CNTN5: variants seen among roughly 807,000 people sequenced by gnomAD.
CNTN5 encodes contactin-5.
CNTN5 carries 77 observed loss-of-function variants against 129.1 expected under a neutral mutation model. That is an observed-to-expected ratio of 0.60 (90% confidence interval 0.50 to 0.72). The LOEUF is 0.72. Among genes scored for constraint, CNTN5 ranks in the 30% least tolerant of loss-of-function variants. The pLI, the probability that CNTN5 is intolerant of heterozygous loss-of-function variation, is 0.00. For synonymous variants in CNTN5, 509 were observed against 465.6 expected (o/e 1.09, Z -1.20); for missense variants, 1,478 against 1,328.8 (o/e 1.11, Z -1.75).
intron 3 of CNTN5, among the ~76,000 whole-genome samples, chr11:99,718,054 T>C (rs1032560942): frequency 6.6e-6 from 1 of 152,156 alleles, no homozygotes; most frequent in African/African-American, 2.4e-5. Flanking sequence ...TGCCAAACTT[T>C]GCTGAAGAAT....
In CNTN5 at chr11:99,790,479, A is replaced by C. The variant is rs1945700958; in HGVS notation, c.56-29065A>C. Among the ~76,000 whole-genome samples, 2 of 152,104 alleles carry C rather than the reference A, an allele frequency of 1.3e-5. 1 individual carries two copies. The highest frequency in any genetic ancestry group is 4.1e-4 in the South Asian group (2 of 4,834). ...AGGATAATGGCCTCCAGCTCCATCC[A>C]CATTGCTACAAAAGACATAGTAACA... is the stretch of plus-strand genomic sequence containing the variant. On this transcript the variant is annotated intron_variant, in intron 3 of 24. Coordinates refer to ENST00000524871, the MANE Select transcript of CNTN5 (RefSeq NM_014361.4).
chr11:99,855,613 G>A (rs1380261976), intron 6 of CNTN5, among the ~76,000 whole-genome samples: 1 of 152,138 alleles, frequency 6.6e-6, no homozygotes, highest in African/African-American at 2.4e-5. Flanking sequence ...TAGAGGATGA[G>A]GCTGAAATTA....
At chr11:100,215,426 G>C (rs1468973810) in intron 15 of CNTN5, among the ~76,000 whole-genome samples, 1 of 152,150 alleles carries the variant, frequency 6.6e-6, no homozygotes, top group African/African-American at 2.4e-5. Context: ...CAGTGAACAA[G>C]TAGTTATATC....
At chr11:99,706,526 C>T (rs946346497) in intron 3 of CNTN5, among the ~76,000 whole-genome samples, 1 of 151,416 alleles carries the variant, frequency 6.6e-6, no homozygotes, top group Non-Finnish European at 1.5e-5. Flanking sequence ...TTAACTAAGT[C>T]ACTCTCACTA....
chr11:99,177,439 G>C (rs1857830358), intron 1 of CNTN5, among the ~76,000 whole-genome samples: 1 of 152,142 alleles, frequency 6.6e-6, no homozygotes, highest in Non-Finnish European at 1.5e-5. Context: ...AACGAAATAG[G>C]GCTATTGCTA....
Position 100,188,973 on chromosome 11 carries a change from C to T in CNTN5, c.1581-2153C>T, listed in dbSNP as rs939393775. On this transcript the variant is annotated intron_variant, in intron 13 of 24. Coordinates refer to ENST00000524871, the MANE Select transcript of CNTN5 (RefSeq NM_014361.4). ...GGCCATTATCCAAAGTGAATTAACACGGCAACAGAAAACCAGTGCCACATG... is the reference window on the plus strand; with the variant it reads ...GGCCATTATCCAAAGTGAATTAACATGGCAACAGAAAACCAGTGCCACATG... 3.3e-5 allele frequency among the ~76,000 whole-genome samples: 5 copies of T among 152,070 alleles called. No homozygotes were observed. In the East Asian group the frequency reaches 9.7e-4, roughly 29 times the overall value.
At chr11:99,061,342 G>A (rs923697746) in intron 1 of CNTN5, among the ~76,000 whole-genome samples, 2 of 152,108 alleles carry the variant, frequency 1.3e-5, no homozygotes, top group Non-Finnish European at 2.9e-5. Flanking sequence ...GGGACAGAGA[G>A]GGGACTGGGA....
chr11:99,727,891 C>T (rs544673899), intron 3 of CNTN5, among the ~76,000 whole-genome samples: 2 of 141,074 alleles, frequency 1.4e-5, no homozygotes, highest in South Asian at 5.0e-4. Context: ...CACAATTATC[C>T]ATCACTGTCT....
chr11:99,475,730 A>G (rs1372774817), intron 2 of CNTN5, among the ~76,000 whole-genome samples: 1 of 152,058 alleles, frequency 6.6e-6, no homozygotes, highest in Non-Finnish European at 1.5e-5. Flanking sequence ...ATTGCATTTA[A>G]GTTTCTAATT....
chr11:99,177,552 C>T (rs1053394894), intron 1 of CNTN5, among the ~76,000 whole-genome samples: 8 of 152,156 alleles, frequency 5.3e-5, no homozygotes, highest in Non-Finnish European at 7.3e-5. Flanking sequence ...GTTTTGTTCT[C>T]ACACAAAATC....
rs2139055856 is a variant in CNTN5, at chr11:100,358,096, T to G, written c.*1876T>G. The G allele has an allele frequency of 6.6e-6, 1 of 151,926 alleles. No homozygotes were observed. The highest frequency in any genetic ancestry group is 3.4e-3 in the Middle Eastern group (1 of 294). 9.4% of individuals were successfully genotyped at this position (151,926 alleles called of 1,614,324 possible). A position where few individuals can be genotyped will look rare whatever the true frequency, so the allele number is the denominator to read the frequency against. On this transcript the variant is annotated 3_prime_UTR_variant, in exon 25 of 25. Coordinates refer to ENST00000524871, the MANE Select transcript of CNTN5 (RefSeq NM_014361.4). ...AAAACATGAGCTCTCCCAAGTATAG[T>G]TTACCTTTATGAATTGTGCATCTGA...
intron 15 of CNTN5, among the ~76,000 whole-genome samples, chr11:100,218,443 C>A (rs2138609934): frequency 6.6e-6 from 1 of 152,290 alleles, no homozygotes; most frequent in Non-Finnish European, 1.5e-5. Flanking sequence ...ATAGAATGGG[C>A]TAATGTTTCA....
chr11:99,494,339 A>G (rs1364215082), intron 2 of CNTN5, among the ~76,000 whole-genome samples: 3 of 152,234 alleles, frequency 2.0e-5, no homozygotes, highest in Non-Finnish European at 4.4e-5. Flanking sequence ...ATATTAAGCT[A>G]CGAGACCTAA....
intron 3 of CNTN5, among the ~76,000 whole-genome samples, chr11:99,572,326 A>T (rs1949201031): frequency 6.6e-6 from 1 of 152,228 alleles, no homozygotes; most frequent in African/African-American, 2.4e-5. Flanking sequence ...TGTTTTAAGA[A>T]AATTTACAAA....
intron 1 of CNTN5, among the ~76,000 whole-genome samples, chr11:99,077,363 G>A (rs1334289165): frequency 6.6e-6 from 1 of 152,024 alleles, no homozygotes; most frequent in Non-Finnish European, 1.5e-5. Context: ...TTGACCTGAG[G>A]ATATTTAATA....
intron 1 of CNTN5, among the ~76,000 whole-genome samples, chr11:99,306,746 G>GATAATAATA (rs3084742): frequency 9.9e-4 from 146 of 147,042 alleles, no homozygotes; most frequent in Admixed American, 1.8e-3. Flanking sequence ...AAATAATGAT[G>GATAATAATA]ATAATAATAA....
chr11:99,066,038 T>C (rs1455279102), intron 1 of CNTN5, among the ~76,000 whole-genome samples: 1 of 152,110 alleles, frequency 6.6e-6, no homozygotes, highest in Non-Finnish European at 1.5e-5. Flanking sequence ...ATAAAGGAAG[T>C]TATATGTTGT....
chr11:99,877,026 AAAG>A (rs1279058660), intron 6 of CNTN5, among the ~76,000 whole-genome samples: 8 of 152,282 alleles, frequency 5.3e-5, no homozygotes, highest in African/African-American at 1.2e-4. Flanking sequence ...AGGGAGAAAA[AAAG>A]AGCTGTAGGA....
rs558136710 is a variant in CNTN5 at position 99,347,449 on chromosome 11, A to G, written c.-71+21965A>G. On this transcript the variant is annotated intron_variant, in intron 2 of 24. Coordinates refer to ENST00000524871, the MANE Select transcript of CNTN5 (RefSeq NM_014361.4). Reference sequence around the variant, plus strand: ...ATTAATATAATAACACATAAACTATATAGAGAAAAACATAGGCTCAAATAA... The same window carrying G: ...ATTAATATAATAACACATAAACTATGTAGAGAAAAACATAGGCTCAAATAA... Among the ~76,000 whole-genome samples, 3 of 152,334 alleles carry G rather than the reference A, an allele frequency of 2.0e-5. No homozygotes were observed. The East Asian group carries it at 5.8e-4, about 29-fold the overall frequency.
Sources: gnomAD v4.1 joint callset for allele counts (sites outside exome capture counted in the v4.1 genomes callset) on GRCh38, gnomAD v4.1.1 for gene constraint, MANE v1.5 for transcripts, NCBI Gene and HGNC (gene_info 2026-07-23, HGNC 2026-07-21) for gene names.